LRP1B: variants seen among roughly 807,000 people sequenced by gnomAD.
LRP1B encodes the protein LDL receptor related protein 1B.
Under a neutral mutation model 556.6 loss-of-function variants are expected in LRP1B, and 217 were observed. The observed-to-expected ratio is 0.39, with a 90% CI of 0.35 to 0.44. The LOEUF is 0.44. Ranked by LOEUF, LRP1B falls within the 20% of genes least tolerant of loss-of-function variation. The pLI, the probability that LRP1B is intolerant of heterozygous loss-of-function variation, is 1.00. For missense variants in LRP1B, 5,053 were observed against 5,620.8 expected (o/e 0.90, Z 3.23); for synonymous variants, 2,047 against 1,865.8 (o/e 1.10, Z -2.50).
chr2:141,043,882 C>A (rs1459623163), intron 11 of LRP1B, among the ~76,000 whole-genome samples: 2 of 151,904 alleles, frequency 1.3e-5, no homozygotes, highest in African/African-American at 4.8e-5. Context: ...CCCCATCAAG[C>A]TACCAACGCC....
intron 2 of LRP1B, among the ~76,000 whole-genome samples, chr2:141,619,594 T>C (rs1002970620): frequency 6.6e-5 from 10 of 152,194 alleles, no homozygotes; most frequent in Admixed American, 1.3e-4. Context: ...TAAAAATATA[T>C]AATAATCAAC....
chr2:141,200,514 C>T (rs114339030), intron 6 of LRP1B, among the ~76,000 whole-genome samples: 5,087 of 152,166 alleles, frequency 0.033, 287 homozygotes, highest in African/African-American at 0.12. Flanking sequence ...ATAGTCATGG[C>T]TTATGCTCTC....
intron 11 of LRP1B, among the ~76,000 whole-genome samples, chr2:141,026,521 A>C (rs1224906794): frequency 6.6e-6 from 1 of 152,064 alleles, no homozygotes; most frequent in Non-Finnish European, 1.5e-5. Context: ...CATGGCATAG[A>C]ACAAATGTGT....
At chr2:142,038,221 C>A (rs910078707) in intron 1 of LRP1B, among the ~76,000 whole-genome samples, 2 of 151,536 alleles carry the variant, frequency 1.3e-5, no homozygotes, top group Non-Finnish European at 3.0e-5. Flanking sequence ...CTTCTAAGCA[C>A]GTTCAGGTTG....
At chr2:140,718,248 G>A (rs1482203612) in intron 35 of LRP1B, among the ~76,000 whole-genome samples, 5 of 151,896 alleles carry the variant, frequency 3.3e-5, no homozygotes, top group African/African-American at 1.2e-4. Context: ...CCACGGTGGT[G>A]TGATAGTTGG....
intron 3 of LRP1B, among the ~76,000 whole-genome samples, chr2:141,454,697 C>A (rs546635591): frequency 1.3e-5 from 2 of 152,322 alleles, no homozygotes; most frequent in East Asian, 3.9e-4. Flanking sequence ...TGAAGTACAG[C>A]CTTTATACTT....
intron 1 of LRP1B, among the ~76,000 whole-genome samples, chr2:141,961,123 A>C (rs1007900217): frequency 6.6e-6 from 1 of 151,808 alleles, no homozygotes. Flanking sequence ...AATTACTTGG[A>C]GATAATTATG....
intron 3 of LRP1B, among the ~76,000 whole-genome samples, chr2:141,442,186 T>C (rs557849668): frequency 2.6e-5 from 4 of 152,274 alleles, no homozygotes; most frequent in African/African-American, 4.8e-5. Flanking sequence ...ATTGCAACCA[T>C]CTCTGTAACA....
chr2:140,317,662 C>T (rs771547135), intron 82 of LRP1B, among the ~76,000 whole-genome samples: 47 of 152,060 alleles, frequency 3.1e-4, no homozygotes, highest in Admixed American at 9.8e-4. Context: ...ACTCAGTCAA[C>T]GTTATTTGTC....
At chr2:140,980,763 G>A (rs1251287942) in intron 18 of LRP1B, among the ~76,000 whole-genome samples, 1 of 152,132 alleles carries the variant, frequency 6.6e-6, no homozygotes, top group East Asian at 1.9e-4. Context: ...AGGAACAGAA[G>A]CCATTATATG....
chr2:140,690,364 G>A (rs138302506), intron 41 of LRP1B, among the ~76,000 whole-genome samples: 2 of 150,472 alleles, frequency 1.3e-5, no homozygotes, highest in East Asian at 3.9e-4. Flanking sequence ...CCTCTTCTTC[G>A]GGTCTTTACT....
At chr2:140,444,228 AATTT>A in intron 65 of LRP1B, 98 bp downstream of exon 65, 1 of 1,245,072 alleles carries the variant, frequency 8.0e-7, no homozygotes, top group Non-Finnish European at 1.1e-6. Flanking sequence ...ATTTCTTTTC[AATTT>A]ATCTACATCA....
At chr2:140,262,537 TTTC>T (rs1455186881) in intron 86 of LRP1B, among the ~76,000 whole-genome samples, 1 of 152,192 alleles carries the variant, frequency 6.6e-6, no homozygotes, top group Non-Finnish European at 1.5e-5. Context: ...CCTGTTAATG[TTTC>T]TTCTTGTGGA....
At chr2:141,546,128 A>T (rs1559132936) in intron 2 of LRP1B, among the ~76,000 whole-genome samples, 1 of 152,078 alleles carries the variant, frequency 6.6e-6, no homozygotes, top group African/African-American at 2.4e-5. Context: ...ACCTTGACAC[A>T]ATTAAACCAG....
chr2:141,464,835 T>C lies in LRP1B; in HGVS notation c.343+15561A>G, dbSNP rs898920098. On this transcript the variant is annotated intron_variant, in intron 3 of 90. Transcript: ENST00000389484. ...ATGGCTTTCTTAATTGAGATCTCAC[T>C]GATAGGGATTTATTTGGGGGTGTAA... 2.0e-4 allele frequency among the ~76,000 whole-genome samples: 30 copies of C among 151,936 alleles called. 1 individual carries two copies. The East Asian group carries it at 5.6e-3, about 28-fold the overall frequency.
chr2:141,799,555 C>T (rs1558883635), intron 2 of LRP1B, among the ~76,000 whole-genome samples: 1 of 152,122 alleles, frequency 6.6e-6, no homozygotes, highest in Non-Finnish European at 1.5e-5. Flanking sequence ...CCTAAATAAA[C>T]TTGGAGGCTG....
At chr2:141,705,446 G>A (rs1692102622) in intron 2 of LRP1B, among the ~76,000 whole-genome samples, 1 of 151,896 alleles carries the variant, frequency 6.6e-6, no homozygotes, top group Admixed American at 6.6e-5. Context: ...CCTGAGTACT[G>A]GGAAAATCAT....
chr2:142,110,075 A>G (rs1296574072), intron 1 of LRP1B, among the ~76,000 whole-genome samples: 2 of 152,112 alleles, frequency 1.3e-5, no homozygotes, highest in African/African-American at 4.8e-5. Context: ...TAATGTAGAG[A>G]CTCTGATGAG....
At chr2:141,126,344 A>G (rs1019637938) in intron 7 of LRP1B, among the ~76,000 whole-genome samples, 9 of 151,878 alleles carry the variant, frequency 5.9e-5, no homozygotes, top group East Asian at 1.9e-4. Flanking sequence ...TTTAATAGCT[A>G]TTTTCCAACC....
Sources: allele counts gnomAD v4.1 joint callset (sites outside exome capture counted in the v4.1 genomes callset), GRCh38; gene constraint gnomAD v4.1.1; transcripts MANE v1.5; gene names NCBI Gene and HGNC (gene_info 2026-07-23, HGNC 2026-07-21).